The following OPCML variants were observed in gnomAD, a reference collection of about 807,000 sequenced individuals.
OPCML encodes the protein opioid-binding protein/cell adhesion molecule.
In OPCML, 13 loss-of-function variants were observed where a neutral mutation model predicts 37.8. That is an observed-to-expected ratio of 0.34 (90% CI 0.22 to 0.55). The LOEUF (loss-of-function observed/expected upper bound fraction) is 0.55. OPCML is among the 20% of genes least tolerant of loss of function. The pLI is 0.91. For missense variants in OPCML, 341 were observed against 435.6 expected (o/e 0.78, Z 1.93); for synonymous variants, 176 against 168.8 (o/e 1.04, Z -0.33).
At position 132,642,368 on chromosome 11, in the gene OPCML, TTA is replaced by T. The variant is rs59089612; in HGVS notation, c.379+14717_379+14718del. Among the ~76,000 whole-genome samples the T allele has an allele frequency of 2.5e-3, 374 of 152,240 alleles. 3 individuals carry two copies. The highest frequency in any genetic ancestry group is 8.4e-3 in the African/African-American group (348 of 41,536). ...ATTATGACAACAATATCAAAACTAG[TTA>T]TAAGAAGAATATTTTAAAATAGCAA... On this transcript the variant is annotated intron_variant, in intron 3 of 7. Transcript: ENST00000524381.
intron 1 of OPCML, among the ~76,000 whole-genome samples, chr11:132,977,409 A>C (rs1946487969): frequency 6.6e-6 from 1 of 152,208 alleles, no homozygotes; most frequent in Non-Finnish European, 1.5e-5. Context: ...AAATACCCAG[A>C]ATCTGGAACT....
intron 1 of OPCML, among the ~76,000 whole-genome samples, chr11:133,224,454 G>A (rs894183898): frequency 1.1e-4 from 17 of 152,176 alleles, no homozygotes; most frequent in African/African-American, 4.1e-4. Flanking sequence ...CTCTTAACAA[G>A]TTATCCACAT....
chr11:132,600,839 CT>C (rs145586468), intron 3 of OPCML, among the ~76,000 whole-genome samples: 2,104 of 94,502 alleles, frequency 0.022, 12 homozygotes, highest in East Asian at 0.096. Flanking sequence ...AAATAGTTAA[CT>C]TTTTTTTTTT....
intron 2 of OPCML, among the ~76,000 whole-genome samples, chr11:132,930,146 T>A (rs1393309045): frequency 6.6e-6 from 1 of 152,090 alleles, no homozygotes; most frequent in Non-Finnish European, 1.5e-5. Context: ...GGCAGATAGC[T>A]TGAGCCCAGG....
chr11:133,072,708 G>T (rs1025635848), intron 1 of OPCML, among the ~76,000 whole-genome samples: 3 of 152,216 alleles, frequency 2.0e-5, no homozygotes, highest in Admixed American at 6.5e-5. Context: ...CTAGGGAGGG[G>T]ACAGACAGTG....
intron 3 of OPCML, among the ~76,000 whole-genome samples, chr11:132,645,193 G>C (rs77940690): frequency 0.029 from 4,339 of 152,198 alleles, 189 homozygotes; most frequent in African/African-American, 0.098. Context: ...TCTTTTTAAG[G>C]TTTCACTAAG....
chr11:132,920,005 A>C (rs1591802784), intron 2 of OPCML, among the ~76,000 whole-genome samples: 1 of 152,218 alleles, frequency 6.6e-6, no homozygotes, highest in South Asian at 2.1e-4. Flanking sequence ...GGAAATGGGG[A>C]GTAGCCGCTA....
chr11:132,937,686 C>T (rs564711061), intron 2 of OPCML, among the ~76,000 whole-genome samples: 4 of 151,528 alleles, frequency 2.6e-5, no homozygotes, highest in South Asian at 2.1e-4. Context: ...GAGAGTGTCA[C>T]GGACTCAAGC....
At chr11:133,140,577 A>AAAG (rs1555102206) in intron 1 of OPCML, among the ~76,000 whole-genome samples, 10 of 85,026 alleles carry the variant, frequency 1.2e-4, no homozygotes, top group African/African-American at 3.4e-4. Flanking sequence ...GAAGAAGAAG[A>AAAG]AAGAAGAAAA....
intron 7 of OPCML, 24 bp from the exon 8 acceptor site, chr11:132,420,317 A>G (rs755934578): frequency 6.2e-7 from 1 of 1,612,632 alleles, no homozygotes; most frequent in South Asian, 1.1e-5. Flanking sequence ...AGAGAGACAG[A>G]CCCATTAGCA....
intron 1 of OPCML, among the ~76,000 whole-genome samples, chr11:133,016,994 C>T (rs1591915170): frequency 1.3e-5 from 2 of 152,202 alleles, no homozygotes; most frequent in African/African-American, 4.8e-5. Flanking sequence ...TAACTTTTCT[C>T]AGGCTGTGAA....
intron 1 of OPCML, among the ~76,000 whole-genome samples, chr11:133,197,443 C>T (rs968421702): frequency 3.9e-5 from 6 of 152,196 alleles, no homozygotes; most frequent in South Asian, 2.1e-4. Context: ...TGGTGCCTGC[C>T]TAATAAACGT....
intron 1 of OPCML, among the ~76,000 whole-genome samples, chr11:133,505,195 G>C (rs1565672747): frequency 6.6e-6 from 1 of 152,222 alleles, no homozygotes; most frequent in African/African-American, 2.4e-5. Context: ...TCTGTTAATA[G>C]TTTCAGTGCT....
intron 3 of OPCML, among the ~76,000 whole-genome samples, chr11:132,565,528 T>A (rs1337738512): frequency 2.0e-5 from 3 of 152,186 alleles, no homozygotes; most frequent in Non-Finnish European, 4.4e-5. Flanking sequence ...CAGGCCCTTA[T>A]GTGGACTCAA....
At chr11:132,872,720 C>T (rs746686721) in intron 2 of OPCML, among the ~76,000 whole-genome samples, 5 of 152,034 alleles carry the variant, frequency 3.3e-5, no homozygotes, top group Non-Finnish European at 5.9e-5. Context: ...TGCTTTTCTT[C>T]GGTGTTAAAC....
intron 2 of OPCML, among the ~76,000 whole-genome samples, chr11:132,928,167 C>T (rs1295423608): frequency 1.3e-5 from 2 of 151,964 alleles, no homozygotes; most frequent in Non-Finnish European, 2.9e-5. Context: ...TTAAACGGCA[C>T]AATCTAAAAA....
chr11:133,171,324 T>C (rs921818634), intron 1 of OPCML, among the ~76,000 whole-genome samples: 1 of 152,168 alleles, frequency 6.6e-6, no homozygotes, highest in Non-Finnish European at 1.5e-5. Context: ...TCCAAAAGGC[T>C]CTTATCTTGC....
chr11:133,216,009 G>T (rs1285451561), intron 1 of OPCML, among the ~76,000 whole-genome samples: 1 of 152,168 alleles, frequency 6.6e-6, no homozygotes, highest in Non-Finnish European at 1.5e-5. Context: ...GTGGGAGGCA[G>T]GTGGGCAGGC....
chr11:132,973,038 A>G (rs1029326316), intron 1 of OPCML, among the ~76,000 whole-genome samples: 1 of 152,120 alleles, frequency 6.6e-6, no homozygotes, highest in Non-Finnish European at 1.5e-5. Flanking sequence ...TGCACCAAAG[A>G]GTGTCAGCAA....
Sources: allele counts gnomAD v4.1 joint callset (sites outside exome capture counted in the v4.1 genomes callset), GRCh38; gene constraint gnomAD v4.1.1; transcripts MANE v1.5; gene names NCBI Gene and HGNC (gene_info 2026-07-23, HGNC 2026-07-21).